The following ABCB5 variants were observed in gnomAD, a reference collection of about 807,000 sequenced individuals.
ABCB5 encodes ATP-binding cassette sub-family B member 5.
A neutral mutation model predicts 144.2 loss-of-function variants in ABCB5; 155 were observed. That is an observed-to-expected ratio of 1.08 (90% confidence interval 0.94 to 1.23). The LOEUF (loss-of-function observed/expected upper bound fraction) is 1.23. Ranked by LOEUF, ABCB5 falls within the 50% of genes most tolerant of loss-of-function variation. The pLI is 0.00. For synonymous variants in ABCB5, 610 were observed against 528.6 expected, an observed-to-expected ratio of 1.15 and a Z score of -2.11; for missense variants, 1,830 against 1,520.8, an observed-to-expected ratio of 1.20 and a Z score of -3.38.
At chr7:20,627,671 T>C (rs1308077561) in intron 3 of ABCB5, among the ~76,000 whole-genome samples, 1 of 124,340 alleles carries the variant, frequency 8.0e-6, no homozygotes, top group Non-Finnish European at 1.6e-5. Flanking sequence ...AAAATTATCA[T>C]TGACCCCCTT....
chr7:20,653,227 C>T (rs1013374503), intron 13 of ABCB5, among the ~76,000 whole-genome samples: 1 of 152,042 alleles, frequency 6.6e-6, no homozygotes, highest in African/African-American at 2.4e-5. Flanking sequence ...CAAAGATGTC[C>T]CTTGCTATAA....
intron 26 of ABCB5, among the ~76,000 whole-genome samples, chr7:20,748,029 T>C (rs530684595): frequency 1.3e-5 from 2 of 152,220 alleles, no homozygotes; most frequent in Non-Finnish European, 2.9e-5. Flanking sequence ...GCAAGGATGC[T>C]GTAACTACCG....
intron 13 of ABCB5, among the ~76,000 whole-genome samples, chr7:20,656,745 C>T (rs1784805030): frequency 6.6e-6 from 1 of 151,926 alleles, no homozygotes; most frequent in Non-Finnish European, 1.5e-5. Context: ...GCATTCTATT[C>T]CTAGGTATTT....
Position 20,685,777 on chromosome 7 carries a change from G to C in ABCB5, c.1951G>C (p.Val651Leu), listed in dbSNP as rs780950220. 2.5e-6 allele frequency: 4 copies of C among 1,613,680 alleles called. No homozygotes were observed. The highest frequency in any genetic ancestry group is 3.4e-6 in the Non-Finnish European group (4 of 1,179,800). The change falls in exon 16 of 28, where the codon GTG becomes CTG. Residue 651 changes from valine (V) to leucine (L), a missense_variant. By Grantham distance (32) the Val-to-Leu change is conservative. Transcript: ENST00000404938. ...RKTNSLPLHS[V>L]KSIKSDFIDK... is the part of the protein sequence containing the mutation. ...GACCAACTCACTTCCTCTGCACTCT[G>C]TGAAGAGCATCAAGTCAGACTTCAT...
chr7:20,632,718 G>A (rs970263800), intron 5 of ABCB5, among the ~76,000 whole-genome samples: 2 of 152,020 alleles, frequency 1.3e-5, no homozygotes, highest in Admixed American at 1.3e-4. Context: ...GTAGGGACAT[G>A]GATGAAATTG....
intron 25 of ABCB5, among the ~76,000 whole-genome samples, chr7:20,744,430 T>G (rs1273553725): frequency 6.6e-6 from 1 of 152,128 alleles, no homozygotes; most frequent in Non-Finnish European, 1.5e-5. Flanking sequence ...CATGTCTTAG[T>G]CTGAACGTCC....
chr7:20,751,919 T>A (rs751573320), intron 26 of ABCB5, among the ~76,000 whole-genome samples: 18 of 152,218 alleles, frequency 1.2e-4, no homozygotes, highest in Non-Finnish European at 2.1e-4. Flanking sequence ...GCTTTAGTAA[T>A]TCAGACACCC....
At chr7:20,668,662 C>T (rs1482868960) in intron 14 of ABCB5, among the ~76,000 whole-genome samples, 4 of 145,408 alleles carry the variant, frequency 2.8e-5, no homozygotes, top group South Asian at 2.2e-4. Context: ...TGCCCGGCCG[C>T]CCCTACTGGG....
At chr7:20,749,050 C>G (rs900285688) in intron 26 of ABCB5, among the ~76,000 whole-genome samples, 1 of 151,956 alleles carries the variant, frequency 6.6e-6, no homozygotes, top group Non-Finnish European at 1.5e-5. Flanking sequence ...CTTTGTCTCT[C>G]CCTTTCTTTC....
At chr7:20,636,629 A>G (rs1784161924) in intron 5 of ABCB5, among the ~76,000 whole-genome samples, 1 of 151,898 alleles carries the variant, frequency 6.6e-6, no homozygotes, top group Non-Finnish European at 1.5e-5. Context: ...TATTAAGAAT[A>G]CAAAAATTAG....
intron 5 of ABCB5, among the ~76,000 whole-genome samples, chr7:20,640,380 T>C (rs959309465): frequency 7.2e-5 from 11 of 152,174 alleles, no homozygotes; most frequent in Admixed American, 1.3e-4. Flanking sequence ...CCTTATTTAA[T>C]GTGTGTTGGT....
chr7:20,666,373 C>A (rs998978848), intron 14 of ABCB5, among the ~76,000 whole-genome samples: 5 of 152,118 alleles, frequency 3.3e-5, no homozygotes, highest in African/African-American at 9.7e-5. Context: ...TGTGTTATGC[C>A]TGGTAATGGA....
At position 20,624,677 on chromosome 7, in the gene ABCB5, C is replaced by T. The variant is rs193049665; in HGVS notation, c.53+1339C>T. Among the ~76,000 whole-genome samples the T allele has an allele frequency of 3.0e-3, 462 of 152,318 alleles. 11 individuals carry two copies. The highest frequency in any genetic ancestry group is 0.028 in the Admixed American group (425 of 15,288). ...TTCCTATTAGGTGGAGGTGACACAA[C>T]TGGAGCTAAGAGCAGAATCTTCGCT... On this transcript the variant is annotated intron_variant, in intron 2 of 27. Coordinates refer to ENST00000404938, the MANE Select transcript of ABCB5 (RefSeq NM_001163941.2).
At chr7:20,688,134 A>G (rs1248122267) in intron 16 of ABCB5, among the ~76,000 whole-genome samples, 1 of 152,184 alleles carries the variant, frequency 6.6e-6, no homozygotes, top group African/African-American at 2.4e-5. Context: ...CAGAGGTTGC[A>G]GTGAGCTAAG....
At position 20,728,367 on chromosome 7, in the gene ABCB5, GC is replaced by G; in HGVS notation, c.2781del (p.Phe928LeufsTer16). 1.2e-6 allele frequency: 2 copies of G among 1,614,160 alleles called. No individual in the cohort carries two copies. ...IIGSCYAFSH[A>X]FIYFAYAAGF... The stretch of plus-strand genomic sequence containing the variant: ...TGGAAGCTGTTATGCATTCAGCCAT[GC>G]CTTTATATATTTTGCCTATGCGGCA... On this transcript the variant is annotated frameshift_variant, in exon 23 of 28. Transcript: ENST00000404938. LOFTEE classifies it high-confidence loss of function.
chr7:20,691,171 T>C (rs111655993), intron 16 of ABCB5, among the ~76,000 whole-genome samples: 630 of 9,096 alleles, frequency 0.069, 6 homozygotes, highest in African/African-American at 0.18. Flanking sequence ...CAGTGGACTT[T>C]TTTTTTTTTT....
intron 13 of ABCB5, among the ~76,000 whole-genome samples, chr7:20,654,425 C>T (rs907755642): frequency 2.6e-5 from 4 of 150,972 alleles, no homozygotes; most frequent in African/African-American, 9.9e-5. Context: ...TTAGTTGAGG[C>T]CTTCAGTGCT....
chr7:20,659,754 C>G (rs927524843), intron 14 of ABCB5: 1 of 985,748 alleles, frequency 1.0e-6, no homozygotes, highest in South Asian at 4.7e-5. Context: ...GTCACCCATG[C>G]TTGAGTGCAA....
chr7:20,655,653 A>G lies in ABCB5; in HGVS notation c.1537-2853A>G, dbSNP rs145601659. 3.3e-3 allele frequency among the ~76,000 whole-genome samples: 501 copies of G among 152,358 alleles called. 2 individuals carry two copies. Among genetic ancestry groups the G allele is most frequent in the African/African-American group, 0.011 (477 of 41,588 alleles). Reference sequence around the variant, plus strand: ...AAACTATATTATGCTGATAGACATGAAAAGATCTAAAGAAATAGAAAGTAC... The same window carrying G: ...AAACTATATTATGCTGATAGACATGGAAAGATCTAAAGAAATAGAAAGTAC... On this transcript the variant is annotated intron_variant, in intron 13 of 27. Transcript: ENST00000404938.
Sources: gnomAD v4.1 joint callset for allele counts (sites outside exome capture counted in the v4.1 genomes callset) on GRCh38, gnomAD v4.1.1 for gene constraint, MANE v1.5 for transcripts, NCBI Gene and HGNC (gene_info 2026-07-23, HGNC 2026-07-21) for gene names.